Variants in MGAM observed in about 807,000 individuals in gnomAD.
MGAM encodes maltase-glucoamylase.
A neutral mutation model predicts 358.8 loss-of-function variants in MGAM; 253 were observed. The observed-to-expected ratio is 0.71, with a 90% CI of 0.64 to 0.78. The LOEUF (loss-of-function observed/expected upper bound fraction) is 0.78, where lower values mean the gene tolerates loss of function less well. MGAM is among the 30% of genes least tolerant of loss of function. MGAM has a pLI of 0.00. For synonymous variants in MGAM, 1,105 were observed against 1,227.1 expected (o/e 0.90, Z 2.08); for missense variants, 3,080 against 3,432.6 (o/e 0.90, Z 2.57).
intron 1 of MGAM, among the ~76,000 whole-genome samples, chr7:141,999,515 A>G (rs1260456118): frequency 6.6e-6 from 1 of 152,096 alleles, no homozygotes; most frequent in Admixed American, 6.6e-5. Context: ...GACGTTTCTG[A>G]AGCTTAGTTT....
chr7:141,995,214 G>A (rs1293918566), upstream of MGAM, among the ~76,000 whole-genome samples: 1 of 149,432 alleles, frequency 6.7e-6, no homozygotes, highest in Non-Finnish European at 1.5e-5. Flanking sequence ...AGGTTTCTTG[G>A]CCTTTGTACT....
At chr7:142,021,110 G>A (rs562225821) in intron 5 of MGAM, 27 bp downstream of exon 5, 2 of 1,517,048 alleles carry the variant, frequency 1.3e-6, no homozygotes, top group South Asian at 1.2e-5. Context: ...TTTTTTTTAA[G>A]TTTTTTTGAG....
intron 2 of MGAM, among the ~76,000 whole-genome samples, chr7:141,986,638 T>C (rs1382005633): frequency 6.6e-6 from 1 of 152,150 alleles, no homozygotes; most frequent in African/African-American, 2.4e-5. Flanking sequence ...AGTGGCTCAT[T>C]ATAGGGGAAA....
At chr7:142,058,392 A>G in intron 31 of MGAM, 64 bp downstream of exon 31, 1 of 1,603,128 alleles carries the variant, frequency 6.2e-7, no homozygotes, top group Non-Finnish European at 8.5e-7. Flanking sequence ...GTCTGGGTTC[A>G]TTTGTCTAAT....
chr7:142,035,651 G>A (rs529062405), intron 16 of MGAM, among the ~76,000 whole-genome samples: 1 of 152,272 alleles, frequency 6.6e-6, no homozygotes, highest in South Asian at 2.1e-4. Flanking sequence ...ATTATTTGAT[G>A]TATCTATAAG....
chr7:142,045,184 TATGA>T lies in MGAM; in HGVS notation c.2499-2600_2499-2597del, dbSNP rs1809944929. Reference sequence around the variant, plus strand: ...TATAATATATATATTATATAACATATATGATATATAATATATATTATATAACATA... The same window carrying T: ...TATAATATATATATTATATAACATATTATATAATATATATTATATAACATA... On this transcript the variant is annotated intron_variant, in intron 21 of 70. Coordinates refer to ENST00000475668, the MANE Select transcript of MGAM (RefSeq NM_001365693.1). 2.6e-5 allele frequency among the ~76,000 whole-genome samples: 2 copies of T among 76,056 alleles called. 1 individual carries two copies. The highest frequency in any genetic ancestry group is 4.0e-4 in the Admixed American group (2 of 4,980). The allele number at this position is 76,056 out of a possible 152,430, so 49.9% of individuals were successfully genotyped here.
At chr7:142,036,776 G>C in intron 17 of MGAM, 47 bp from the exon 18 acceptor site, 1 of 1,579,018 alleles carries the variant, frequency 6.3e-7, no homozygotes, top group Non-Finnish European at 8.6e-7. Context: ...AGGTGCTTCT[G>C]CTATCCTGCA....
At chr7:141,999,153 G>T (rs1425889275) in intron 1 of MGAM, among the ~76,000 whole-genome samples, 1 of 152,118 alleles carries the variant, frequency 6.6e-6, no homozygotes, top group Admixed American at 6.5e-5. Flanking sequence ...TTGGCACATT[G>T]TAGGAACTTA....
chr7:142,061,913 G>A (rs1479182733), intron 34 of MGAM, among the ~76,000 whole-genome samples: 1 of 152,148 alleles, frequency 6.6e-6, no homozygotes, highest in East Asian at 1.9e-4. Flanking sequence ...AATCTACAAT[G>A]TAGTTAAAAA....
rs201271635 is a variant in MGAM at position 142,063,499 on chromosome 7, G to A, written c.4258G>A (p.Asp1420Asn). Residue 1420 changes from aspartate (D) to asparagine (N), a missense_variant and splice_region_variant, in exon 36 of 71, where the codon GAT becomes AAT. Coordinates refer to ENST00000475668, the MANE Select transcript of MGAM (RefSeq NM_001365693.1). ...RSLKFDGMWI[D>N]MNEPSSFVNG... ...GTATGTCTGTGTTTGGCATTTCTAG[G>A]ATATGAATGAACCATCAAGCTTCGT... 1.6e-4 allele frequency: 265 copies of A among 1,613,216 alleles called. 3 individuals are homozygous for A. The highest frequency in any genetic ancestry group is 1.4e-4 in the Non-Finnish European group (165 of 1,179,542).
chr7:142,088,437 C>CTATGTATGTGTG (rs1814956508), intron 57 of MGAM, among the ~76,000 whole-genome samples: 1 of 139,566 alleles, frequency 7.2e-6, no homozygotes, highest in African/African-American at 2.5e-5. Context: ...ATGTACCCAT[C>CTATGTATGTGTG]TATGTATGTA....
intron 22 of MGAM, among the ~76,000 whole-genome samples, chr7:142,049,162 C>T (rs1453719344): frequency 6.6e-6 from 1 of 152,204 alleles, no homozygotes; most frequent in Non-Finnish European, 1.5e-5. Context: ...CCTCTAGATT[C>T]ATCCATGCTG....
Position 142,076,581 on chromosome 7 carries a change from A to G in MGAM, c.5326-78A>G, listed in dbSNP as rs1322978965. 2.3e-5 allele frequency: 29 copies of G among 1,264,902 alleles called. 4 individuals are homozygous for G. The highest frequency in any genetic ancestry group is 3.3e-5 in the Non-Finnish European group (29 of 888,726). 78.4% of individuals were successfully genotyped at this position (1,264,902 alleles called of 1,614,324 possible). ...GGCAGTGGGGGGTATCCAGTCTGGAATAGAATATATGAGTGACTTGAGAAT... is the reference window on the plus strand; with the variant it reads ...GGCAGTGGGGGGTATCCAGTCTGGAGTAGAATATATGAGTGACTTGAGAAT... On this transcript the variant is annotated intron_variant, in intron 46 of 70. Coordinates refer to ENST00000475668, the MANE Select transcript of MGAM (RefSeq NM_001365693.1).
chr7:142,088,451 A>G lies in MGAM; in HGVS notation c.6810+1734A>G, dbSNP rs1344415722. 3.5e-5 allele frequency among the ~76,000 whole-genome samples: 5 copies of G among 144,118 alleles called. 1 individual carries two copies. Among genetic ancestry groups the G allele is most frequent in the Non-Finnish European group, 7.8e-5 (5 of 64,012 alleles). 94.5% of individuals were successfully genotyped at this position (144,118 alleles called of 152,430 possible). A position where few individuals can be genotyped will look rare whatever the true frequency, so the allele number is the denominator to read the frequency against. On this transcript the variant is annotated intron_variant, in intron 57 of 70. Coordinates refer to ENST00000475668, the MANE Select transcript of MGAM (RefSeq NM_001365693.1). ...CATGTACCCATCTATGTATGTATGT[A>G]TGTATGTATGTACGTATCTATCTAT...
chr7:142,012,123 TG>T (rs1805648085), intron 3 of MGAM, among the ~76,000 whole-genome samples: 1 of 152,208 alleles, frequency 6.6e-6, no homozygotes. Context: ...TATTTGAAGA[TG>T]GGATACTTTG....
chr7:142,036,380 CT>C, intron 17 of MGAM, 95 bp downstream of exon 17: 1 of 884,848 alleles, frequency 1.1e-6, no homozygotes, highest in Non-Finnish European at 1.8e-6. Flanking sequence ...GAACCAACCT[CT>C]TACCTGGTCT....
Position 142,036,450 on chromosome 7 carries a change from G to A in MGAM, c.2076+165G>A, listed in dbSNP as rs114861425. Among the ~76,000 whole-genome samples the A allele has an allele frequency of 5.9e-3, 896 of 152,190 alleles. 12 individuals are homozygous for A. The highest frequency in any genetic ancestry group is 0.02 in the African/African-American group (834 of 41,526). On this transcript the variant is annotated intron_variant, in intron 17 of 70. Transcript: ENST00000475668. ...TAACCAGAATCTGTGCTGTATCATCGAAATGCCCAACGGCCTCAGCCTGTT... is the reference window on the plus strand; with the variant it reads ...TAACCAGAATCTGTGCTGTATCATCAAAATGCCCAACGGCCTCAGCCTGTT...
At chr7:142,088,900 A>G (rs1235389495) in intron 57 of MGAM, among the ~76,000 whole-genome samples, 1 of 139,874 alleles carries the variant, frequency 7.1e-6, no homozygotes, top group Non-Finnish European at 1.6e-5. Flanking sequence ...TCATCCACTC[A>G]CCCTATCTAT....
intron 14 of MGAM, among the ~76,000 whole-genome samples, chr7:142,033,820 G>T (rs1168421991): frequency 1.3e-5 from 2 of 152,178 alleles, no homozygotes; most frequent in Non-Finnish European, 2.9e-5. Flanking sequence ...AAACAGAGTG[G>T]TGCAATGGGA....
Sources: allele counts gnomAD v4.1 joint callset (sites outside exome capture counted in the v4.1 genomes callset), GRCh38; gene constraint gnomAD v4.1.1; transcripts MANE v1.5; gene names NCBI Gene and HGNC (gene_info 2026-07-23, HGNC 2026-07-21).